The following PLCE1 variants were observed in gnomAD, a reference collection of about 807,000 sequenced individuals.
The protein encoded by PLCE1 is phospholipase C epsilon 1, also known as 1-phosphatidylinositol 4,5-bisphosphate phosphodiesterase epsilon-1.
A neutral mutation model predicts 242.8 loss-of-function variants in PLCE1; 119 were observed. That is an observed-to-expected ratio of 0.49 (90% CI 0.42 to 0.57). The LOEUF (loss-of-function observed/expected upper bound fraction) is 0.57, where lower values mean the gene tolerates loss of function less well. PLCE1 is among the 20% of genes least tolerant of loss of function. The pLI, the probability that PLCE1 is intolerant of heterozygous loss-of-function variation, is 0.00. For missense variants in PLCE1, 2,441 were observed against 2,788.8 expected (o/e 0.88, Z 2.81); for synonymous variants, 945 against 1,017.4 (o/e 0.93, Z 1.35).
intron 2 of PLCE1, among the ~76,000 whole-genome samples, chr10:94,087,299 G>A (rs2044864274): frequency 2.8e-5 from 4 of 140,420 alleles, no homozygotes; most frequent in African/African-American, 1.1e-4. Flanking sequence ...GCAGTGAGCT[G>A]TGATCACGCC....
intron 2 of PLCE1, among the ~76,000 whole-genome samples, chr10:94,117,484 G>A (rs187315767): frequency 8.5e-5 from 13 of 152,168 alleles, no homozygotes; most frequent in African/African-American, 2.4e-4. Context: ...CCAAACACTC[G>A]TTGCACTGAC....
At position 94,269,012 on chromosome 10, in the gene PLCE1, G is replaced by T; in HGVS notation, c.4365G>T (p.Thr1455=). The part of the protein sequence containing the change: ...DGMPIIYHGH[T]LTTKIPFKEV... Reference sequence around the variant, plus strand: ...TGCCCATCATTTATCATGGACATACGCTGACAACCAAGATCCCCTTCAAGG... The same window carrying T: ...TGCCCATCATTTATCATGGACATACTCTGACAACCAAGATCCCCTTCAAGG... Residue 1455 remains threonine, a synonymous_variant, in exon 17 of 33, where the codon ACG becomes ACT. Coordinates refer to ENST00000371380, the MANE Select transcript of PLCE1 (RefSeq NM_016341.4). 1.9e-6 allele frequency: 3 copies of T among 1,600,090 alleles called. No homozygotes were observed. Among genetic ancestry groups the T allele is most frequent in the Non-Finnish European group, 2.6e-6 (3 of 1,168,584 alleles).
At chr10:94,173,841 A>G (rs1200530710) in intron 4 of PLCE1, among the ~76,000 whole-genome samples, 1 of 152,240 alleles carries the variant, frequency 6.6e-6, no homozygotes, top group African/African-American at 2.4e-5. Context: ...CTATTTTCAT[A>G]CAAATTATGG....
intron 27 of PLCE1, among the ~76,000 whole-genome samples, chr10:94,311,346 A>G (rs1402875122): frequency 1.3e-5 from 2 of 152,178 alleles, no homozygotes; most frequent in East Asian, 1.9e-4. Flanking sequence ...TCAGCCACCA[A>G]TCATCTCATT....
intron 2 of PLCE1, among the ~76,000 whole-genome samples, chr10:94,110,223 C>G (rs982595950): frequency 6.6e-5 from 10 of 151,662 alleles, no homozygotes; most frequent in Non-Finnish European, 1.3e-4. Flanking sequence ...CCACCACGCC[C>G]AGCTAATTTT....
chr10:94,245,805 G>T (rs780021341), intron 7 of PLCE1, 141 bp from the exon 8 acceptor site: 2 of 743,880 alleles, frequency 2.7e-6, no homozygotes, highest in Non-Finnish European at 4.7e-6. Flanking sequence ...AAGTTACTGT[G>T]TGCTATTTAG....
At chr10:94,166,691 A>C (rs1483311820) in intron 3 of PLCE1, among the ~76,000 whole-genome samples, 2 of 152,042 alleles carry the variant, frequency 1.3e-5, no homozygotes, top group Non-Finnish European at 2.9e-5. Context: ...TCAGAGCTGC[A>C]ATTAAATTTC....
chr10:94,111,424 T>G (rs1355087525), intron 2 of PLCE1, among the ~76,000 whole-genome samples: 1 of 152,190 alleles, frequency 6.6e-6, no homozygotes, highest in Non-Finnish European at 1.5e-5. Flanking sequence ...AGAAATGCAG[T>G]TGACTAGACA....
chr10:94,106,912 T>TTTTCTCTCTCTCTCTCTCTC (rs2045756641), intron 2 of PLCE1, among the ~76,000 whole-genome samples: 4 of 38,770 alleles, frequency 1.0e-4, no homozygotes, highest in East Asian at 8.2e-4. Flanking sequence ...TGTCTCTTGT[T>TTTTCTCTCTCTCTCTCTCTC]TCTCTCTCTC....
chr10:94,246,333 G>A lies in PLCE1; in HGVS notation c.2808G>A (p.Leu936=). The change falls in exon 8 of 33, where the codon TTG becomes TTA. Residue 936 remains leucine, a synonymous_variant. Transcript: ENST00000371380. Reference sequence around the variant, plus strand: ...TAAGTAGCCTGACGGAAGGGGTCTTGGATCTTTTTGCAGTGAAGGCTGTAT... The same window carrying A: ...TAAGTAGCCTGACGGAAGGGGTCTTAGATCTTTTTGCAGTGAAGGCTGTAT... ...AGLSSLTEGV[L]DLFAVKAVYM... is the part of the protein sequence containing the mutation. 6.2e-7 allele frequency: 1 copy of A among 1,614,180 alleles called. No homozygotes were observed.
intron 7 of PLCE1, among the ~76,000 whole-genome samples, chr10:94,241,433 T>C (rs2050499100): frequency 1.3e-5 from 2 of 152,178 alleles, no homozygotes; most frequent in Non-Finnish European, 2.9e-5. Flanking sequence ...CACTCACCAA[T>C]TGAATCCTTT....
At chr10:94,039,628 C>T (rs1564640984) in intron 2 of PLCE1, among the ~76,000 whole-genome samples, 4 of 152,268 alleles carry the variant, frequency 2.6e-5, no homozygotes, top group East Asian at 3.9e-4. Context: ...TCAGGTGATC[C>T]GCCCACCTTG....
intron 1 of PLCE1, among the ~76,000 whole-genome samples, chr10:94,013,501 A>G (rs970477110): frequency 1.3e-5 from 2 of 152,222 alleles, no homozygotes; most frequent in South Asian, 2.1e-4. Context: ...TGTGAGGTAG[A>G]AAGAACTGAT....
intron 3 of PLCE1, chr10:94,138,525 C>T (rs2046855493): frequency 6.3e-6 from 3 of 477,208 alleles, no homozygotes; most frequent in South Asian, 5.0e-5. Context: ...CAGCCTAGTG[C>T]TGTGGTCATA....
chr10:94,287,773 C>G (rs1477691744), intron 22 of PLCE1, among the ~76,000 whole-genome samples: 1 of 151,946 alleles, frequency 6.6e-6, no homozygotes, highest in Admixed American at 6.6e-5. Context: ...ATGACCCCAT[C>G]AACCTAGTTT....
chr10:94,001,181 G>A (rs771807977), intron 1 of PLCE1, among the ~76,000 whole-genome samples: 2 of 152,150 alleles, frequency 1.3e-5, no homozygotes, highest in Non-Finnish European at 2.9e-5. Context: ...AACATAGATA[G>A]GGTGCCTAAT....
intron 2 of PLCE1, among the ~76,000 whole-genome samples, chr10:94,052,161 C>A (rs181751892): frequency 1.9e-3 from 284 of 152,266 alleles, no homozygotes; most frequent in Non-Finnish European, 1.1e-3. Flanking sequence ...ACATGGAAAC[C>A]TAGAGGCTTG....
intron 5 of PLCE1, among the ~76,000 whole-genome samples, chr10:94,233,021 T>TC (rs1191010870): frequency 2.6e-5 from 4 of 151,978 alleles, no homozygotes; most frequent in African/African-American, 9.7e-5. Flanking sequence ...CTCCCACAAT[T>TC]CCCCCCAGAG....
At chr10:94,004,795 G>T (rs2061002797) in intron 1 of PLCE1, among the ~76,000 whole-genome samples, 1 of 152,188 alleles carries the variant, frequency 6.6e-6, no homozygotes, top group Non-Finnish European at 1.5e-5. Flanking sequence ...TGGTGAGCAA[G>T]GTCCCCACAG....
Sources: gnomAD v4.1 joint callset for allele counts (sites outside exome capture counted in the v4.1 genomes callset) on GRCh38, gnomAD v4.1.1 for gene constraint, MANE v1.5 for transcripts, NCBI Gene and HGNC (gene_info 2026-07-23, HGNC 2026-07-21) for gene names.